RAB3C: variants seen among roughly 807,000 people sequenced by gnomAD.
The protein encoded by RAB3C is RAB3C, member RAS oncogene family, also known as ras-related protein Rab-3C.
Under a neutral mutation model 26.4 loss-of-function variants are expected in RAB3C, and 17 were observed. That is an observed-to-expected ratio of 0.64 (90% CI 0.44 to 0.97). The LOEUF (loss-of-function observed/expected upper bound fraction) is 0.97, where lower values mean the gene tolerates loss of function less well. Among genes scored for constraint, RAB3C ranks in the 50% least tolerant of loss-of-function variants. RAB3C has a pLI of 0.00. For missense variants in RAB3C, 242 were observed against 281.9 expected (o/e 0.86, Z 1.01); for synonymous variants, 91 against 95.9 (o/e 0.95, Z 0.30).
At chr5:58,616,250 A>G (rs292971) in intron 1 of RAB3C, among the ~76,000 whole-genome samples, 29,121 of 152,220 alleles carry the variant, frequency 0.19, 3,090 homozygotes, top group Admixed American at 0.28. Context: ...TATAGTAGCC[A>G]TTAGTCATAT....
At chr5:58,689,444 C>CTTCATGTAT (rs1748515895) in intron 2 of RAB3C, 1 of 152,082 alleles carries the variant, frequency 6.6e-6, no homozygotes, top group Admixed American at 6.6e-5. Context: ...ATTTAGAGGG[C>CTTCATGTAT]ATCCCATGAA....
upstream of RAB3C, chr5:58,582,419 G>A: frequency 1.0e-6 from 1 of 985,408 alleles, no homozygotes; most frequent in Non-Finnish European, 1.2e-6. Context: ...GGAAAGGTAA[G>A]CAGGCGAAAG....
chr5:58,652,602 T>C (rs1747679887), intron 2 of RAB3C, among the ~76,000 whole-genome samples: 1 of 151,900 alleles, frequency 6.6e-6, no homozygotes, highest in African/African-American at 2.4e-5. Flanking sequence ...TGCAGTTAAT[T>C]ATACATTGCA....
At chr5:58,797,353 AATATGTATATATATAAT>A (rs1378531716) in intron 3 of RAB3C, among the ~76,000 whole-genome samples, 1,535 of 25,858 alleles carry the variant, frequency 0.059, 72 homozygotes, top group South Asian at 0.074. Context: ...AAAAAAAAAA[AATATGTATATATATAAT>A]ATATATATAT....
At position 58,617,697 on chromosome 5, in the gene RAB3C, T is replaced by G; in HGVS notation, c.79T>G (p.Phe27Val). The change falls in exon 2 of 5, where the codon TTT becomes GTT. Residue 27 changes from phenylalanine to valine, a missense_variant. By Grantham distance (50) the Phe-to-Val change is conservative. Coordinates refer to ENST00000282878, the MANE Select transcript of RAB3C (RefSeq NM_138453.4). ...CCAGAAAGACTCCTCTGATCAGAAC[T>G]TTGACTACATGTTCAAATTACTCAT... is the stretch of plus-strand genomic sequence containing the variant. ...YGQKDSSDQN[F>V]DYMFKLLIIG... 1 of 1,614,038 alleles carries G rather than the reference T, an allele frequency of 6.2e-7. No homozygotes were observed. The highest frequency in any genetic ancestry group is 1.7e-5 in the Admixed American group (1 of 59,982).
At chr5:58,697,061 G>A (rs1271060656) in intron 2 of RAB3C, among the ~76,000 whole-genome samples, 3 of 152,144 alleles carry the variant, frequency 2.0e-5, no homozygotes, top group Non-Finnish European at 4.4e-5. Flanking sequence ...TGGGCATTTA[G>A]TGCTATAAAT....
At chr5:58,744,979 C>T (rs1741363598) in intron 3 of RAB3C, among the ~76,000 whole-genome samples, 1 of 152,102 alleles carries the variant, frequency 6.6e-6, no homozygotes, top group South Asian at 2.1e-4. Context: ...CAACCTTTGT[C>T]CCTAGGATTG....
rs149882056 is a variant in RAB3C at position 58,680,517 on chromosome 5, C to G, written c.253-45485C>G. 5.8e-3 allele frequency among the ~76,000 whole-genome samples: 890 copies of G among 152,322 alleles called. 10 individuals carry two copies. Among genetic ancestry groups the G allele is most frequent in the African/African-American group, 0.02 (811 of 41,578 alleles). On this transcript the variant is annotated intron_variant, in intron 2 of 4. Coordinates refer to ENST00000282878, the MANE Select transcript of RAB3C (RefSeq NM_138453.4). ...TCCCTACTAGTATAACAAATCACCA[C>G]AAACTTATGGCATAAAATACACAAA... is the stretch of plus-strand genomic sequence containing the variant.
chr5:58,841,845 G>A (rs1175700437), intron 4 of RAB3C, among the ~76,000 whole-genome samples: 1 of 152,166 alleles, frequency 6.6e-6, no homozygotes, highest in African/African-American at 2.4e-5. Flanking sequence ...ATGTGTGTCT[G>A]CAGTCTCTTG....
chr5:58,823,755 CTT>C (rs745966615), intron 3 of RAB3C: 1 of 153,828 alleles, frequency 6.5e-6, no homozygotes, highest in Non-Finnish European at 1.4e-5. Flanking sequence ...AAACAATAAA[CTT>C]TTTTTATTTT....
intron 2 of RAB3C, among the ~76,000 whole-genome samples, chr5:58,708,729 A>C (rs1375424688): frequency 6.6e-6 from 1 of 152,254 alleles, no homozygotes; most frequent in Non-Finnish European, 1.5e-5. Flanking sequence ...TCATGCCAAC[A>C]GTCATGTTGT....
chr5:58,693,347 T>TATATGTATATATATATATATATATATAC (rs1748617138), intron 2 of RAB3C, among the ~76,000 whole-genome samples: 2 of 137,852 alleles, frequency 1.5e-5, no homozygotes, highest in African/African-American at 5.9e-5. Flanking sequence ...TATATATATA[T>TATATGTATATATATATATATATATATAC]ATATATATAT....
At chr5:58,726,716 G>A (rs138613916) in intron 3 of RAB3C, among the ~76,000 whole-genome samples, 3 of 152,106 alleles carry the variant, frequency 2.0e-5, no homozygotes, top group African/African-American at 7.2e-5. Flanking sequence ...GAAGGACTGA[G>A]ATAAAGGATA....
At chr5:58,657,099 T>A (rs563630340) in intron 2 of RAB3C, among the ~76,000 whole-genome samples, 1 of 152,162 alleles carries the variant, frequency 6.6e-6, no homozygotes, top group African/African-American at 2.4e-5. Flanking sequence ...CTGGATGAGA[T>A]TGGACACTAT....
intron 1 of RAB3C, among the ~76,000 whole-genome samples, chr5:58,585,862 C>T (rs1745998621): frequency 6.6e-6 from 1 of 151,914 alleles, no homozygotes; most frequent in African/African-American, 2.4e-5. Context: ...ATCTAAATAA[C>T]CAGGAATAGC....
chr5:58,855,481 G>C lies in RAB3C; in HGVS notation c.*4130G>C, dbSNP rs763028815. The C allele has an allele frequency of 2.0e-5, 3 of 152,178 alleles. No homozygotes were observed. The highest frequency in any genetic ancestry group is 4.4e-5 in the Non-Finnish European group (3 of 68,034). 9.4% of individuals were successfully genotyped at this position (152,178 alleles called of 1,614,324 possible). ...GTTCCTTTGCGTGTATAGTCACTTA[G>C]TGTGCTGTCCGGGTGCCACATGAGC... On this transcript the variant is annotated 3_prime_UTR_variant, in exon 5 of 5. Transcript: ENST00000282878.
At chr5:58,799,631 T>C (rs991342027) in intron 3 of RAB3C, among the ~76,000 whole-genome samples, 1 of 152,204 alleles carries the variant, frequency 6.6e-6, no homozygotes, top group Non-Finnish European at 1.5e-5. Context: ...TTTGCAGTTG[T>C]GCTGTGCTCC....
intron 3 of RAB3C, among the ~76,000 whole-genome samples, chr5:58,805,567 G>T (rs1205158973): frequency 1.6e-5 from 2 of 123,490 alleles, no homozygotes; most frequent in African/African-American, 6.1e-5. Context: ...TCCAGCCTGG[G>T]TGACAAAGCA....
chr5:58,627,289 A>AT lies in RAB3C; in HGVS notation c.252+9424dup, dbSNP rs1190187492. Reference sequence around the variant, plus strand: ...CCATGCCACCAGGTCACCTGTAGTTATTTTTCTATTGATTCATTTACAGTT... The same window carrying AT: ...CCATGCCACCAGGTCACCTGTAGTTATTTTTTCTATTGATTCATTTACAGTT... On this transcript the variant is annotated intron_variant, in intron 2 of 4. Transcript: ENST00000282878. Among the ~76,000 whole-genome samples the AT allele has an allele frequency of 2.6e-5, 4 of 151,846 alleles. No individual in the cohort carries two copies. In the East Asian group the frequency reaches 5.8e-4, roughly 22 times the overall value.
Sources: gnomAD v4.1 joint callset for allele counts (sites outside exome capture counted in the v4.1 genomes callset) on GRCh38, gnomAD v4.1.1 for gene constraint, MANE v1.5 for transcripts, NCBI Gene and HGNC (gene_info 2026-07-23, HGNC 2026-07-21) for gene names.